The following G3BP2 variants were observed in gnomAD, a reference collection of about 807,000 sequenced individuals.
G3BP2 encodes the protein ras GTPase-activating protein-binding protein 2.
G3BP2 carries 11 observed loss-of-function variants against 56.7 expected under a neutral mutation model. The ratio of observed to expected loss-of-function variants is 0.19; its 90% confidence interval spans 0.12 to 0.32. The LOEUF (loss-of-function observed/expected upper bound fraction) is 0.32, where lower values mean the gene tolerates loss of function less well. Ranked by LOEUF, G3BP2 falls within the 10% of genes least tolerant of loss-of-function variation. The pLI, the probability that G3BP2 is intolerant of heterozygous loss-of-function variation, is 1.00. For missense variants in G3BP2, 340 were observed against 610.9 expected (o/e 0.56, Z 4.67); for synonymous variants, 165 against 191.6 (o/e 0.86, Z 1.15).
intron 3 of G3BP2, among the ~76,000 whole-genome samples, chr4:75,702,619 G>A (rs948561907): frequency 6.6e-6 from 1 of 152,172 alleles, no homozygotes; most frequent in Non-Finnish European, 1.5e-5. Flanking sequence ...CTATACAGGT[G>A]CAACTATAGA....
At chr4:75,684,487 A>T (rs1384110143) in intron 3 of G3BP2, among the ~76,000 whole-genome samples, 2 of 152,068 alleles carry the variant, frequency 1.3e-5, no homozygotes, top group Non-Finnish European at 2.9e-5. Flanking sequence ...TGGATTTTTT[A>T]AAGTAAATGT....
upstream of G3BP2, chr4:75,673,459 A>T (rs1733687342): frequency 8.1e-7 from 1 of 1,230,750 alleles, no homozygotes; most frequent in Admixed American, 4.2e-5. Flanking sequence ...ACCCCTGCCG[A>T]AAGGGCCAGG....
chr4:75,709,920 C>T (rs1237041400), intron 3 of G3BP2, among the ~76,000 whole-genome samples: 2 of 152,162 alleles, frequency 1.3e-5, no homozygotes, highest in African/African-American at 2.4e-5. Context: ...TCTGGGTCCT[C>T]ACTTGGGTAA....
At chr4:75,706,010 T>C (rs1719530658) in intron 3 of G3BP2, among the ~76,000 whole-genome samples, 1 of 152,158 alleles carries the variant, frequency 6.6e-6, no homozygotes, top group African/African-American at 2.4e-5. Flanking sequence ...ACATTATATA[T>C]GTCTCCACTC....
intron 3 of G3BP2, among the ~76,000 whole-genome samples, chr4:75,704,918 CCA>C (rs1719487000): frequency 6.6e-6 from 1 of 152,214 alleles, no homozygotes; most frequent in Non-Finnish European, 1.5e-5. Flanking sequence ...CAGGCGTGAA[CCA>C]CCACACCCAG....
intron 2 of G3BP2, 100 bp downstream of exon 2, chr4:75,661,831 A>T (rs1732590271): frequency 3.1e-6 from 2 of 643,752 alleles, no homozygotes; most frequent in Admixed American, 5.4e-5. Context: ...GTTTACAAAG[A>T]TACTGTCAGA....
intron 3 of G3BP2, among the ~76,000 whole-genome samples, chr4:75,710,604 G>A (rs1429433555): frequency 6.6e-6 from 1 of 152,098 alleles, no homozygotes; most frequent in African/African-American, 2.4e-5. Flanking sequence ...CTCACTAGCC[G>A]CTTATTTATT....
rs544956007 is a variant in G3BP2, at chr4:75,719,448, T to C, written c.-25+1429A>G. On this transcript the variant is annotated intron_variant, in intron 3 of 3. Coordinates refer to the G3BP2 transcript ENST00000499709. ...TTACTATGTTTCAAGTACTAAGTAA[T>C]ATGAACGTTACAGATATTATCTAAT... Among the ~76,000 whole-genome samples, 10 of 151,672 alleles carry C rather than the reference T, an allele frequency of 6.6e-5. No homozygotes were observed. In the South Asian group the frequency reaches 2.1e-3, roughly 32 times the overall value.
chr4:75,715,152 A>C (rs955635089), intron 3 of G3BP2, among the ~76,000 whole-genome samples: 6 of 152,244 alleles, frequency 3.9e-5, no homozygotes, highest in African/African-American at 1.4e-4. Flanking sequence ...AATTTCTAGC[A>C]GTCCAGAACG....
chr4:75,648,543 T>C (rs1442235618), intron 9 of G3BP2, 96 bp downstream of exon 9: 5 of 620,996 alleles, frequency 8.1e-6, no homozygotes, highest in African/African-American at 1.8e-5. Context: ...ACTATATGGG[T>C]CTGTGTATAG....
chr4:75,650,166 A>G (rs1043492213), intron 8 of G3BP2, among the ~76,000 whole-genome samples: 2 of 151,378 alleles, frequency 1.3e-5, no homozygotes, highest in Non-Finnish European at 2.9e-5. Context: ...CAGGCACAGT[A>G]GCTCATGCCT....
At chr4:75,720,104 G>A (rs1156783382) in intron 3 of G3BP2, among the ~76,000 whole-genome samples, 1 of 136,206 alleles carries the variant, frequency 7.3e-6, no homozygotes, top group African/African-American at 2.8e-5. Flanking sequence ...GCAACTTCAA[G>A]CAATTCTCAT....
chr4:75,645,620 C>A lies in G3BP2; in HGVS notation c.1259G>T (p.Gly420Val), dbSNP rs376307166. 1.2e-6 allele frequency: 2 copies of A among 1,613,922 alleles called. No homozygotes were observed. The highest frequency in any genetic ancestry group is 1.7e-6 in the Non-Finnish European group (2 of 1,179,980). Residue 420 changes from glycine (G) to valine (V), a missense_variant, in exon 12 of 12, where the codon GGT becomes GTT. Gly to Val is a moderately radical substitution (Grantham distance 109, BLOSUM62 -3). This residue lies in a region of G3BP2 where 94 missense variants were observed against 173.8 expected (regional missense o/e 0.54). Transcript: ENST00000359707. ...RAARERETRG[G>V]GDDRRDIRRN... is the part of the protein sequence containing the mutation. ...CCTAATATCCCTGCGATCATCACCA[C>A]CACCTCTGGTTTCTCGCTCTCTTGC...
intron 1 of G3BP2, among the ~76,000 whole-genome samples, chr4:75,670,690 C>T (rs1269198101): frequency 1.3e-5 from 2 of 152,106 alleles, no homozygotes; most frequent in Non-Finnish European, 2.9e-5. Flanking sequence ...ATAGATAGGG[C>T]ATTATCTTCA....
In G3BP2 at chr4:75,673,219, G is replaced by A; in HGVS notation, c.-36C>T. ...GCGCCCGTACACACCTCCAGCCAAC[G>A]GCGGCGGCGGGTACGTCGCGCGGAG... On this transcript the variant is annotated 5_prime_UTR_variant, in exon 1 of 12. Transcript: ENST00000359707. The A allele has an allele frequency of 1.7e-6, 2 of 1,206,814 alleles. No homozygotes were observed. Among genetic ancestry groups the A allele is most frequent in the Non-Finnish European group, 2.1e-6 (2 of 972,180 alleles). 74.8% of individuals were successfully genotyped at this position (1,206,814 alleles called of 1,614,324 possible). A position where few individuals can be genotyped will look rare whatever the true frequency, so the allele number is the denominator to read the frequency against.
At chr4:75,665,483 C>T (rs957342313) in intron 1 of G3BP2, among the ~76,000 whole-genome samples, 1 of 152,062 alleles carries the variant, frequency 6.6e-6, no homozygotes, top group Admixed American at 6.5e-5. Context: ...CTGTGGCTCA[C>T]GCCTGTAATC....
intron 3 of G3BP2, among the ~76,000 whole-genome samples, chr4:75,689,701 T>C (rs1406640576): frequency 1.3e-5 from 2 of 152,204 alleles, no homozygotes; most frequent in Non-Finnish European, 2.9e-5. Context: ...ATAAATCATC[T>C]GAAGAATTTT....
chr4:75,710,901 C>G (rs186056322), intron 3 of G3BP2, among the ~76,000 whole-genome samples: 36 of 152,194 alleles, frequency 2.4e-4, no homozygotes, highest in Non-Finnish European at 4.7e-4. Context: ...TAGCTTCAGG[C>G]AATCCTTCTG....
At chr4:75,665,934 G>A (rs921713610) in intron 1 of G3BP2, among the ~76,000 whole-genome samples, 5 of 152,098 alleles carry the variant, frequency 3.3e-5, no homozygotes, top group East Asian at 1.9e-4. Context: ...TCCGGGTTTG[G>A]GAATTGTTTT....
Sources: gnomAD v4.1 joint callset for allele counts (sites outside exome capture counted in the v4.1 genomes callset) on GRCh38, gnomAD v4.1.1 for gene constraint, gnomAD v4.1.1 regional missense constraint, MANE v1.5 for transcripts, NCBI Gene and HGNC (gene_info 2026-07-23, HGNC 2026-07-21) for gene names.